The following SHANK2 variants were observed in gnomAD, a reference collection of about 807,000 sequenced individuals.
The protein encoded by SHANK2 is SH3 and multiple ankyrin repeat domains 2, also known as SH3 and multiple ankyrin repeat domains protein 2.
SHANK2 carries 43 observed loss-of-function variants against 133.7 expected under a neutral mutation model. That is an observed-to-expected ratio of 0.32 (90% CI 0.25 to 0.41). The LOEUF is 0.41. Among genes scored for constraint, SHANK2 ranks in the 10% least tolerant of loss-of-function variants. SHANK2 has a pLI of 1.00. For missense variants in SHANK2, 1,994 were observed against 2,235.8 expected (o/e 0.89, Z 2.18); for synonymous variants, 1,017 against 952.8 (o/e 1.07, Z -1.24).
At chr11:70,525,562 G>A (rs1554971972) in intron 17 of SHANK2, among the ~76,000 whole-genome samples, 1 of 152,186 alleles carries the variant, frequency 6.6e-6, no homozygotes. Context: ...CGAGGTAGGG[G>A]AGAAAACAGG....
At chr11:70,762,458 TTGG>T (rs1565299744) in intron 14 of SHANK2, among the ~76,000 whole-genome samples, 2 of 151,992 alleles carry the variant, frequency 1.3e-5, no homozygotes, top group Admixed American at 1.3e-4. Context: ...TATTCTGGAG[TTGG>T]TGGGCAGCTG....
intron 5 of SHANK2, among the ~76,000 whole-genome samples, chr11:71,110,385 C>T (rs1555098947): frequency 6.6e-6 from 1 of 152,132 alleles, no homozygotes; most frequent in Non-Finnish European, 1.5e-5. Flanking sequence ...TTGCAGTGAG[C>T]CGAGATCGCG....
chr11:70,791,689 T>C (rs782647810), intron 14 of SHANK2, among the ~76,000 whole-genome samples: 2 of 152,198 alleles, frequency 1.3e-5, no homozygotes, highest in Non-Finnish European at 2.9e-5. Context: ...GATTAATCAC[T>C]GGCAGTCACA....
intron 17 of SHANK2, among the ~76,000 whole-genome samples, chr11:70,648,779 A>C (rs2061302831): frequency 6.6e-6 from 1 of 151,890 alleles, no homozygotes; most frequent in Non-Finnish European, 1.5e-5. Flanking sequence ...GAGGAAGGAG[A>C]CCCTTGTCCA....
At chr11:71,241,735 T>C (rs1954895576) in intron 1 of SHANK2, among the ~76,000 whole-genome samples, 1 of 152,092 alleles carries the variant, frequency 6.6e-6, no homozygotes, top group African/African-American at 2.4e-5. Flanking sequence ...TGTCCCACAA[T>C]TTCTCCCACA....
At chr11:70,835,343 C>A (rs968215341) in intron 11 of SHANK2, among the ~76,000 whole-genome samples, 3 of 152,306 alleles carry the variant, frequency 2.0e-5, no homozygotes, top group African/African-American at 7.2e-5. Context: ...CTGAGACGTG[C>A]TCCGCCAGTT....
chr11:71,249,723 AC>A (rs1447890318), intron 1 of SHANK2, among the ~76,000 whole-genome samples: 2 of 152,200 alleles, frequency 1.3e-5, no homozygotes, highest in Non-Finnish European at 2.9e-5. Context: ...CAACTCTGTT[AC>A]GTATTTGGAA....
intron 1 of SHANK2, among the ~76,000 whole-genome samples, chr11:71,251,336 G>C (rs1488875618): frequency 2.0e-5 from 3 of 152,188 alleles, no homozygotes; most frequent in Non-Finnish European, 4.4e-5. Flanking sequence ...CCAAGCCCCA[G>C]AACCCTGGCG....
chr11:70,504,198 A>G (rs964279483), intron 17 of SHANK2, among the ~76,000 whole-genome samples: 4 of 152,238 alleles, frequency 2.6e-5, no homozygotes, highest in Non-Finnish European at 5.9e-5. Context: ...CTCCTGCTAT[A>G]GATTCTTCAA....
chr11:70,587,474 T>C (rs2060269196), intron 17 of SHANK2, among the ~76,000 whole-genome samples: 1 of 152,036 alleles, frequency 6.6e-6, no homozygotes, highest in Non-Finnish European at 1.5e-5. Context: ...ATCAAAGGCA[T>C]GGATGACAGT....
chr11:71,207,724 A>AC (rs1396419631), intron 2 of SHANK2, among the ~76,000 whole-genome samples: 2 of 152,232 alleles, frequency 1.3e-5, no homozygotes, highest in African/African-American at 4.8e-5. Flanking sequence ...GCCCCGTGTG[A>AC]CCCCGTCTCT....
At chr11:70,565,218 T>TCCAC (rs1486100957) in intron 17 of SHANK2, among the ~76,000 whole-genome samples, 2 of 150,062 alleles carry the variant, frequency 1.3e-5, no homozygotes, top group Admixed American at 1.3e-4. Flanking sequence ...AGCAGTTTCA[T>TCCAC]CCATCCATCC....
chr11:70,636,699 G>T (rs908051628), intron 17 of SHANK2, among the ~76,000 whole-genome samples: 2 of 52,020 alleles, frequency 3.8e-5, no homozygotes, highest in African/African-American at 5.4e-5. Context: ...GTGTAAGCAC[G>T]TGTGTGAACA....
At chr11:70,941,566 T>A (rs895895511) in intron 10 of SHANK2, among the ~76,000 whole-genome samples, 7 of 152,048 alleles carry the variant, frequency 4.6e-5, no homozygotes, top group African/African-American at 1.7e-4. Context: ...TTGGGACCTT[T>A]TAGGGGTGTT....
chr11:71,157,046 C>T (rs1952920228), intron 2 of SHANK2, among the ~76,000 whole-genome samples: 2 of 152,200 alleles, frequency 1.3e-5, no homozygotes, highest in Non-Finnish European at 2.9e-5. Flanking sequence ...AGCACACCAA[C>T]ATGACACATG....
chr11:70,802,069 G>C (rs1948058480), intron 13 of SHANK2, among the ~76,000 whole-genome samples: 1 of 152,200 alleles, frequency 6.6e-6, no homozygotes, highest in African/African-American at 2.4e-5. Flanking sequence ...GGTGGGTAGA[G>C]AGCAGGTGAA....
At chr11:70,575,529 G>C (rs71467493) in intron 17 of SHANK2, among the ~76,000 whole-genome samples, 1 of 143,970 alleles carries the variant, frequency 6.9e-6, no homozygotes, top group Non-Finnish European at 1.5e-5. Context: ...AAAAAAAAAA[G>C]AAAGTACAAA....
intron 14 of SHANK2, among the ~76,000 whole-genome samples, chr11:70,761,452 A>G (rs1946996500): frequency 6.6e-6 from 1 of 152,226 alleles, no homozygotes; most frequent in Non-Finnish European, 1.5e-5. Context: ...GAGCTGAGAC[A>G]TCAGCCTTCC....
At chr11:70,778,101 G>A (rs1011320998) in intron 14 of SHANK2, among the ~76,000 whole-genome samples, 8 of 152,204 alleles carry the variant, frequency 5.3e-5, no homozygotes, top group Admixed American at 4.6e-4. Flanking sequence ...TGCCAACAGA[G>A]GCTCAGAGAA....
Sources: gnomAD v4.1 joint callset for allele counts (sites outside exome capture counted in the v4.1 genomes callset) on GRCh38, gnomAD v4.1.1 for gene constraint, MANE v1.5 for transcripts, NCBI Gene and HGNC (gene_info 2026-07-23, HGNC 2026-07-21) for gene names.